Variants in CREBL2 observed in about 807,000 individuals in gnomAD.
The protein encoded by CREBL2 is cAMP-responsive element-binding protein-like 2.
A neutral mutation model predicts 19.5 loss-of-function variants in CREBL2; 4 were observed. That is an observed-to-expected ratio of 0.20 (90% CI 0.10 to 0.47). The LOEUF is 0.47. Ranked by LOEUF, CREBL2 falls within the 20% of genes least tolerant of loss-of-function variation. CREBL2 has a pLI of 0.98. For missense variants in CREBL2, 85 were observed against 145.1 expected, an observed-to-expected ratio of 0.59 and a Z score of 2.13; for synonymous variants, 42 against 46.6, an observed-to-expected ratio of 0.90 and a Z score of 0.40.
chr12:12,641,633 T>C (rs1337701815), intron 3 of CREBL2, among the ~76,000 whole-genome samples: 1 of 152,144 alleles, frequency 6.6e-6, no homozygotes, highest in Non-Finnish European at 1.5e-5. Flanking sequence ...ATGTTTTCAG[T>C]ATTTTTTACA....
At chr12:12,622,890 C>T (rs946337490) in intron 1 of CREBL2, among the ~76,000 whole-genome samples, 10 of 152,092 alleles carry the variant, frequency 6.6e-5, no homozygotes, top group Admixed American at 2.0e-4. Flanking sequence ...CAAAACAAGC[C>T]CTCCTGTTTT....
chr12:12,632,227 G>A (rs1359275570), intron 1 of CREBL2, among the ~76,000 whole-genome samples: 2 of 150,650 alleles, frequency 1.3e-5, no homozygotes, highest in East Asian at 1.9e-4. Context: ...ACAGGCGCCC[G>A]CCACTACGCC....
At chr12:12,635,671 C>A in intron 1 of CREBL2, 106 bp from the exon 2 acceptor site, 1 of 1,304,590 alleles carries the variant, frequency 7.7e-7, no homozygotes, top group Non-Finnish European at 1.0e-6. Flanking sequence ...CGTAGGGCTT[C>A]ACTCACGTTT....
At chr12:12,638,304 G>A (rs1032136131) in intron 3 of CREBL2, among the ~76,000 whole-genome samples, 4 of 152,088 alleles carry the variant, frequency 2.6e-5, no homozygotes, top group Admixed American at 6.6e-5. Context: ...AGGCGCAGTG[G>A]TGTGCGCCTG....
intron 1 of CREBL2, among the ~76,000 whole-genome samples, chr12:12,619,536 A>G (rs1246318812): frequency 1.3e-5 from 2 of 152,042 alleles, no homozygotes; most frequent in Non-Finnish European, 2.9e-5. Context: ...GCATAAGCCC[A>G]GGAGGTGGAG....
intron 1 of CREBL2, among the ~76,000 whole-genome samples, chr12:12,622,169 A>G (rs1337982345): frequency 6.6e-6 from 1 of 152,236 alleles, no homozygotes; most frequent in Non-Finnish European, 1.5e-5. Context: ...GTGTGATCCC[A>G]TACCAAAATA....
Position 12,626,507 on chromosome 12 carries a change from A to C in CREBL2, c.16-9270A>C, listed in dbSNP as rs567785806. On this transcript the variant is annotated intron_variant, in intron 1 of 3. Transcript: ENST00000228865. ...CTACCTTGATTCTTTCCTTTCAGCT[A>C]TTTTTGCTTTTTCAGGCTCACTAGG... 5.9e-5 allele frequency among the ~76,000 whole-genome samples: 9 copies of C among 152,122 alleles called. No homozygotes were observed. In the South Asian group the frequency reaches 1.7e-3, roughly 28 times the overall value.
intron 3 of CREBL2, 66 bp downstream of exon 3, chr12:12,637,780 A>C (rs904599007): frequency 2.6e-5 from 39 of 1,479,582 alleles, no homozygotes; most frequent in Non-Finnish European, 2.9e-5. Flanking sequence ...GTGGCTCATG[A>C]CTGTAATCCT....
chr12:12,612,320 C>A (rs1945273982), intron 1 of CREBL2, 133 bp downstream of exon 1: 3 of 1,506,902 alleles, frequency 2.0e-6, no homozygotes, highest in Non-Finnish European at 1.8e-6. Context: ...CCTCTCCAGT[C>A]CACTGCCCGA....
intron 2 of CREBL2, among the ~76,000 whole-genome samples, chr12:12,636,929 A>G (rs1343218190): frequency 6.6e-6 from 1 of 152,234 alleles, no homozygotes; most frequent in South Asian, 2.1e-4. Flanking sequence ...AAGTAAGACA[A>G]CAAGGTTGGA....
At chr12:12,612,981 C>T (rs1455123399) in intron 1 of CREBL2, among the ~76,000 whole-genome samples, 1 of 152,184 alleles carries the variant, frequency 6.6e-6, no homozygotes, top group Non-Finnish European at 1.5e-5. Context: ...AAGCGATTCT[C>T]CTGCCTCAGC....
At chr12:12,630,741 CCGCT>C (rs1945437400) in intron 1 of CREBL2, among the ~76,000 whole-genome samples, 1 of 152,152 alleles carries the variant, frequency 6.6e-6, no homozygotes, top group Non-Finnish European at 1.5e-5. Context: ...AAGGTGTGTT[CCGCT>C]CCCTCTGAGG....
Position 12,642,248 on chromosome 12 carries a change from G to A in CREBL2, c.*250G>A, listed in dbSNP as rs1945528421. 1 of 348,872 alleles carries A rather than the reference G, an allele frequency of 2.9e-6. No homozygotes were observed. The highest frequency in any genetic ancestry group is 5.2e-6 in the Non-Finnish European group (1 of 192,602). 21.6% of individuals were successfully genotyped at this position (348,872 alleles called of 1,614,324 possible). On this transcript the variant is annotated 3_prime_UTR_variant, in exon 4 of 4. Transcript: ENST00000228865. ...TATTGCCACCCATGACATTTAACAT[G>A]TTGTGATGCTTGAAAACACAGGAGT...
intron 1 of CREBL2, among the ~76,000 whole-genome samples, chr12:12,618,831 C>T (rs1460503918): frequency 6.6e-6 from 1 of 151,980 alleles, no homozygotes; most frequent in Non-Finnish European, 1.5e-5. Flanking sequence ...GAGCTGGAGA[C>T]CAGCCCGGCC....
At chr12:12,626,688 CAAG>C (rs1442577436) in intron 1 of CREBL2, among the ~76,000 whole-genome samples, 2 of 151,906 alleles carry the variant, frequency 1.3e-5, no homozygotes, top group Non-Finnish European at 2.9e-5. Context: ...TCTATCACTC[CAAG>C]AAGAGACTCT....
At chr12:12,620,990 TAA>T (rs1945354378) in intron 1 of CREBL2, among the ~76,000 whole-genome samples, 1 of 152,330 alleles carries the variant, frequency 6.6e-6, no homozygotes, top group East Asian at 1.9e-4. Flanking sequence ...AATGAATCTT[TAA>T]AGAACTGGAG....
At chr12:12,626,732 A>C (rs1945404714) in intron 1 of CREBL2, among the ~76,000 whole-genome samples, 1 of 152,142 alleles carries the variant, frequency 6.6e-6, no homozygotes. Flanking sequence ...TCCCTCTGGC[A>C]GAATACTATT....
In CREBL2 at chr12:12,627,640, G is replaced by A. The variant is rs569329985; in HGVS notation, c.16-8137G>A. Among the ~76,000 whole-genome samples, 5 of 152,302 alleles carry A rather than the reference G, an allele frequency of 3.3e-5. No individual in the cohort carries two copies. In the South Asian group the frequency reaches 8.3e-4, roughly 25 times the overall value. On this transcript the variant is annotated intron_variant, in intron 1 of 3. Transcript: ENST00000228865. ...TATTCATCAGTTGATGGACATTTGG[G>A]TTGTTTCTGCTTTTTAGGTATCATG...
At position 12,635,302 on chromosome 12, in the gene CREBL2, A is replaced by G. The variant is rs145407706; in HGVS notation, c.16-475A>G. Among the ~76,000 whole-genome samples the G allele has an allele frequency of 3.4e-3, 512 of 151,918 alleles. 1 individual carries two copies. Among genetic ancestry groups the G allele is most frequent in the Non-Finnish European group, 5.1e-3 (348 of 67,940 alleles). On this transcript the variant is annotated intron_variant, in intron 1 of 3. Coordinates refer to ENST00000228865, the MANE Select transcript of CREBL2 (RefSeq NM_001310.4). ...AAGGATCACCTGAGCCCTGGAGGTC[A>G]AGGCTGCAGTTAACCATGATTGTAC...
Sources: allele counts gnomAD v4.1 joint callset (sites outside exome capture counted in the v4.1 genomes callset), GRCh38; gene constraint gnomAD v4.1.1; transcripts MANE v1.5; gene names NCBI Gene and HGNC (gene_info 2026-07-23, HGNC 2026-07-21).